Variants in SEMA6D observed in about 807,000 individuals in gnomAD.
SEMA6D encodes semaphorin 6D, also known as semaphorin-6D.
In SEMA6D, 35 loss-of-function variants were observed where a neutral mutation model predicts 106.6. The ratio of observed to expected loss-of-function variants is 0.33; its 90% CI spans 0.25 to 0.44. The LOEUF is 0.44. SEMA6D is among the 20% of genes least tolerant of loss of function. The pLI is 1.00. For synonymous variants in SEMA6D, 499 were observed against 487.7 expected, an observed-to-expected ratio of 1.02 and a Z score of -0.31; for missense variants, 1,185 against 1,345.9, an observed-to-expected ratio of 0.88 and a Z score of 1.87.
chr15:47,428,969 A>G (rs2041436374), intron 2 of SEMA6D, among the ~76,000 whole-genome samples: 1 of 151,596 alleles, frequency 6.6e-6, no homozygotes, highest in African/African-American at 2.4e-5. Flanking sequence ...GGAAGGGCCG[A>G]AAGAAGGAGG....
chr15:47,763,760 ATT>A (rs144767836), intron 9 of SEMA6D, 88 bp from the exon 10 acceptor site: 1 of 1,131,882 alleles, frequency 8.8e-7, no homozygotes, highest in East Asian at 2.4e-5. Flanking sequence ...TATCTTTAGT[ATT>A]TTTTGTCCCT....
chr15:47,760,908 A>C (rs534494384), intron 3 of SEMA6D, 70 bp from the exon 4 acceptor site: 2 of 1,378,352 alleles, frequency 1.5e-6, no homozygotes, highest in South Asian at 2.6e-5. Flanking sequence ...GATCTGTAAA[A>C]ATAAAAAAGG....
intron 1 of SEMA6D, among the ~76,000 whole-genome samples, chr15:47,242,084 A>G (rs1757019205): frequency 6.6e-6 from 1 of 152,132 alleles, no homozygotes; most frequent in Admixed American, 6.6e-5. Flanking sequence ...TTTGAAACCC[A>G]CCTTTAACAT....
intron 4 of SEMA6D, among the ~76,000 whole-genome samples, chr15:47,708,311 C>G (rs1012353180): frequency 1.3e-5 from 2 of 152,188 alleles, no homozygotes; most frequent in Non-Finnish European, 2.9e-5. Context: ...GAACACTAAT[C>G]GTGGCCCCAG....
intron 1 of SEMA6D, among the ~76,000 whole-genome samples, chr15:47,324,667 A>G (rs1418679458): frequency 6.7e-6 from 1 of 150,312 alleles, no homozygotes; most frequent in Non-Finnish European, 1.5e-5. Flanking sequence ...GTATATATAT[A>G]AACTATTATA....
intron 3 of SEMA6D, among the ~76,000 whole-genome samples, chr15:47,516,530 A>G (rs1464567871): frequency 6.6e-6 from 1 of 152,168 alleles, no homozygotes; most frequent in East Asian, 1.9e-4. Context: ...GTACCTTTCC[A>G]GGATATAGGA....
intron 1 of SEMA6D, among the ~76,000 whole-genome samples, chr15:47,727,256 A>G (rs1012935830): frequency 6.6e-6 from 1 of 152,132 alleles, no homozygotes; most frequent in African/African-American, 2.4e-5. Context: ...AAATTTCCTC[A>G]CAATCATATA....
At chr15:47,615,208 A>G (rs956596362) in intron 4 of SEMA6D, among the ~76,000 whole-genome samples, 1 of 152,246 alleles carries the variant, frequency 6.6e-6, no homozygotes, top group African/African-American at 2.4e-5. Flanking sequence ...AAAAATGCAA[A>G]TAAAAACAAT....
chr15:47,566,441 TA>T (rs2046231244), intron 3 of SEMA6D, among the ~76,000 whole-genome samples: 1 of 152,210 alleles, frequency 6.6e-6, no homozygotes, highest in Non-Finnish European at 1.5e-5. Context: ...GGACCAACTG[TA>T]TGTTATCAAA....
rs1401963799 is a variant in SEMA6D at position 47,226,316 on chromosome 15, T to A, written c.-239+41898T>A. ...TCTAGCCTCTATAACTGTGAGACAATAAGTTTCTGTTGTGTAAGCCATCCA... is the reference window on the plus strand; with the variant it reads ...TCTAGCCTCTATAACTGTGAGACAAAAAGTTTCTGTTGTGTAAGCCATCCA... On this transcript the variant is annotated intron_variant, in intron 1 of 19. Coordinates refer to the SEMA6D transcript ENST00000558014. 7.2e-5 allele frequency among the ~76,000 whole-genome samples: 11 copies of A among 152,102 alleles called. No individual in the cohort carries two copies. In the South Asian group the frequency reaches 1.0e-3, roughly 14 times the overall value.
At chr15:47,352,561 CTTGAATGGA>C (rs1179580805) in intron 1 of SEMA6D, among the ~76,000 whole-genome samples, 1 of 152,142 alleles carries the variant, frequency 6.6e-6, no homozygotes, top group Non-Finnish European at 1.5e-5. Flanking sequence ...AGGAGCTGAC[CTTGAATGGA>C]TGAAGAACTT....
chr15:47,338,094 A>G (rs2037645920), intron 1 of SEMA6D, among the ~76,000 whole-genome samples: 2 of 152,202 alleles, frequency 1.3e-5, no homozygotes, highest in South Asian at 4.1e-4. Context: ...ACTGAGGAGA[A>G]GGCACTTGCT....
chr15:47,413,698 GTCTTGAACT>G (rs2040871920), intron 2 of SEMA6D, among the ~76,000 whole-genome samples: 1 of 152,108 alleles, frequency 6.6e-6, no homozygotes, highest in Non-Finnish European at 1.5e-5. Context: ...GTCCAAGCTG[GTCTTGAACT>G]CCTGGCCTCA....
chr15:47,682,224 G>A (rs2078369956), intron 4 of SEMA6D, among the ~76,000 whole-genome samples: 1 of 150,532 alleles, frequency 6.6e-6, no homozygotes. Context: ...CTGGACTGCA[G>A]TGGCGCTATC....
At chr15:47,491,874 T>TA (rs1351401724) in intron 3 of SEMA6D, among the ~76,000 whole-genome samples, 1 of 152,154 alleles carries the variant, frequency 6.6e-6, no homozygotes, top group South Asian at 2.1e-4. Flanking sequence ...AGAAGGCAGA[T>TA]AAAAAAAGTA....
chr15:47,617,515 C>T (rs553836536), intron 4 of SEMA6D, among the ~76,000 whole-genome samples: 5 of 152,218 alleles, frequency 3.3e-5, no homozygotes, highest in Non-Finnish European at 5.9e-5. Context: ...AGTAGGCTTT[C>T]AGGAAAGAGG....
chr15:47,251,499 A>G (rs1054227393), intron 1 of SEMA6D, among the ~76,000 whole-genome samples: 2 of 152,160 alleles, frequency 1.3e-5, no homozygotes, highest in Admixed American at 6.5e-5. Flanking sequence ...TGGATGTGCT[A>G]CCATTTCCAA....
chr15:47,388,329 C>T (rs1463310373), intron 1 of SEMA6D, among the ~76,000 whole-genome samples: 1 of 152,136 alleles, frequency 6.6e-6, no homozygotes, highest in Non-Finnish European at 1.5e-5. Context: ...TCACTTTCCA[C>T]AGTTTCAGTT....
intron 1 of SEMA6D, among the ~76,000 whole-genome samples, chr15:47,405,209 T>C (rs2040521898): frequency 1.3e-5 from 2 of 151,580 alleles, no homozygotes; most frequent in Admixed American, 1.3e-4. Flanking sequence ...CTGAGTGGAG[T>C]GTGTTAGTAG....
Sources: gnomAD v4.1 joint callset for allele counts (sites outside exome capture counted in the v4.1 genomes callset) on GRCh38, gnomAD v4.1.1 for gene constraint, MANE v1.5 for transcripts, NCBI Gene and HGNC (gene_info 2026-07-23, HGNC 2026-07-21) for gene names.